PZP: variants seen among roughly 807,000 people sequenced by gnomAD.
PZP encodes pregnancy zone protein.
Under a neutral mutation model 179.8 loss-of-function variants are expected in PZP, and 150 were observed. That is an observed-to-expected ratio of 0.83 (90% CI 0.73 to 0.96). The LOEUF (loss-of-function observed/expected upper bound fraction) is 0.96. Ranked by LOEUF, PZP falls within the 40% of genes least tolerant of loss-of-function variation. The probability of loss-of-function intolerance (pLI) is 0.00; values close to 1 mark genes in which losing one functional copy is unlikely to be tolerated. For missense variants in PZP, 1,689 were observed against 1,764.0 expected, an observed-to-expected ratio of 0.96 and a Z score of 0.76; for synonymous variants, 624 against 652.3, an observed-to-expected ratio of 0.96 and a Z score of 0.66.
rs747526841 is a variant in PZP, at chr12:9,192,603, A to G, written c.1391T>C (p.Leu464Pro). Residue 464 changes from leucine (L) to proline (P), a missense_variant, in exon 12 of 36, where the codon CTG (leucine) becomes CCG (proline). Leu to Pro is a moderately conservative substitution (Grantham distance 98). This residue lies in a region of PZP where 742 missense variants were observed against 730.5 expected (regional missense o/e 1.02). Transcript: ENST00000261336. ...YIHLEPVAGT[L>P]PCGHTETITA... is the part of the protein sequence containing the mutation. ...GATAGTCTCCGTGTGGCCACAGGGC[A>G]GGGTACCAGCCACAGGCTCCAGGTG... 6.2e-7 allele frequency: 1 copy of G among 1,614,204 alleles called. No individual in the cohort carries two copies. Among genetic ancestry groups the G allele is most frequent in the Non-Finnish European group, 8.5e-7 (1 of 1,180,012 alleles).
intron 16 of PZP, 23 bp from the exon 17 acceptor site, chr12:9,168,997 T>G: frequency 1.3e-6 from 2 of 1,518,904 alleles, no homozygotes; most frequent in Non-Finnish European, 1.8e-6. Flanking sequence ...AATTGTTCAA[T>G]CTACTTGTAA....
intron 23 of PZP, 111 bp from the exon 24 acceptor site, chr12:9,160,601 G>A: frequency 1.0e-6 from 1 of 965,022 alleles, no homozygotes; most frequent in Non-Finnish European, 1.6e-6. Context: ...TAAGAGAAAA[G>A]TTATATACAC....
chr12:9,168,915 G>T lies in PZP; in HGVS notation c.2061C>A (p.Val687=). The part of the protein sequence containing the change: ...SKIRKPKSCS[V]IPSVSAGAVG... ...CTGCTCCTGCAGACACGGAAGGGATGACTGAACACGACTTTGGTTTTCGGA... is the reference window on the plus strand; with the variant it reads ...CTGCTCCTGCAGACACGGAAGGGATTACTGAACACGACTTTGGTTTTCGGA... The change falls in exon 17 of 36, where the codon GTC becomes GTA. Residue 687 remains valine, a synonymous_variant. Transcript: ENST00000261336. The T allele has an allele frequency of 6.2e-7, 1 of 1,614,078 alleles. No homozygotes were observed. Among genetic ancestry groups the T allele is most frequent in the South Asian group, 1.1e-5 (1 of 91,070 alleles).
At chr12:9,158,652 C>T in intron 25 of PZP, 76 bp from the exon 26 acceptor site, 3 of 1,447,406 alleles carry the variant, frequency 2.1e-6, no homozygotes, top group Non-Finnish European at 2.8e-6. Flanking sequence ...CACACAGGCT[C>T]CCCCATCACA....
rs117107798 is a variant in PZP, at chr12:9,170,703, C to T, written c.1840-1112G>A. On this transcript the variant is annotated intron_variant, in intron 15 of 35. Coordinates refer to ENST00000261336, the MANE Select transcript of PZP (RefSeq NM_002864.3). This position sits in a 1 kb window ranked among gnomAD's most constrained non-coding sequence, Gnocchi z 4.6. ...GGTCTGGATGAGGAACGGTCCCCCA[C>T]GATGCAGCACAGCTGCCTTGCCAGA... 0.011 allele frequency among the ~76,000 whole-genome samples: 1,722 copies of T among 152,286 alleles called. 11 individuals are homozygous for T. The highest frequency in any genetic ancestry group is 0.019 in the Non-Finnish European group (1,301 of 68,020).
At chr12:9,150,500 A>G in intron 34 of PZP, 144 bp downstream of exon 34, 2 of 565,044 alleles carry the variant, frequency 3.5e-6, no homozygotes, top group South Asian at 2.2e-5. Context: ...GCCAGACTGT[A>G]GTAAGTCGTT....
At chr12:9,140,262 G>GT in the PZP span, among the ~76,000 whole-genome samples, 39 of 152,304 alleles carry the variant, frequency 2.6e-4, no homozygotes, top group East Asian at 6.8e-3. Context: ...AGGCATAGTA[G>GT]TAGGGGGGGG....
At chr12:9,190,814 A>AG (rs1231057112) in intron 13 of PZP, among the ~76,000 whole-genome samples, 1 of 152,198 alleles carries the variant, frequency 6.6e-6, no homozygotes, top group Non-Finnish European at 1.5e-5. Context: ...GACAGTATGA[A>AG]GAATAGTGTG....
At chr12:9,189,766 A>T (rs774870772) in intron 13 of PZP, among the ~76,000 whole-genome samples, 1 of 152,350 alleles carries the variant, frequency 6.6e-6, no homozygotes, top group Non-Finnish European at 1.5e-5. Context: ...AATATCTAGC[A>T]TCTGTATAGA....
In PZP at chr12:9,208,122, A is replaced by G. The variant is rs544235838; in HGVS notation, c.83+137T>C. 863 of 631,930 alleles carry G rather than the reference A, an allele frequency of 1.4e-3. 3 individuals are homozygous for G. The highest frequency in any genetic ancestry group is 0.011 in the Middle Eastern group (42 of 3,914). The allele number at this position is 631,930 out of a possible 1,614,324, so 39.1% of individuals were successfully genotyped here. ...AGGATAAATGAAAGACAAACAAGGG[A>G]TTAACTGGAATAATTTCTTATATTT... is the stretch of plus-strand genomic sequence containing the variant. On this transcript the variant is annotated intron_variant, in intron 1 of 35. Transcript: ENST00000261336.
In PZP at chr12:9,200,446, G is replaced by A. The variant is rs1478442199; in HGVS notation, c.673C>T (p.Leu225Phe). 1 of 1,603,004 alleles carries A rather than the reference G, an allele frequency of 6.2e-7. No homozygotes were observed. Among genetic ancestry groups the A allele is most frequent in the Non-Finnish European group, 8.5e-7 (1 of 1,170,358 alleles). The part of the protein sequence containing the change: ...QHPFTVEEFV[L>F]PKFEVKVQVP... ...TGAACTTTGACCTCAAACTTGGGAA[G>A]CACTGTTAATAGAGATAATAGGAAT... The change falls in exon 7 of 36, where the codon CTT (leucine) becomes TTT (phenylalanine). Residue 225 changes from leucine (L) to phenylalanine (F), a missense_variant and splice_region_variant. Transcript: ENST00000261336.
At chr12:9,186,304 C>A (rs1328134375) in intron 13 of PZP, among the ~76,000 whole-genome samples, 1 of 152,152 alleles carries the variant, frequency 6.6e-6, no homozygotes, top group Non-Finnish European at 1.5e-5. Context: ...ACTACATAAC[C>A]ACACTGAAGT....
chr12:9,202,971 ACATCTCT>A (rs958083397), intron 2 of PZP, among the ~76,000 whole-genome samples: 1 of 152,210 alleles, frequency 6.6e-6, no homozygotes, highest in Non-Finnish European at 1.5e-5. Flanking sequence ...ATGGAGAGAA[ACATCTCT>A]GAAAAAATAT....
Position 9,169,314 on chromosome 12 carries a change from T to A in PZP, c.2001+116A>T. 2.9e-6 allele frequency: 3 copies of A among 1,046,944 alleles called. No individual in the cohort carries two copies. In the South Asian group the frequency reaches 5.8e-5, roughly 20 times the overall value. 64.9% of individuals were successfully genotyped at this position (1,046,944 alleles called of 1,614,324 possible). A position where few individuals can be genotyped will look rare whatever the true frequency, so the allele number is the denominator to read the frequency against. ...CCTTTTTATTGGCTTCATTTTTGTC[T>A]GCTGAAAAATGGAGAGGCAAGGCTA... On this transcript the variant is annotated intron_variant, in intron 16 of 35. Transcript: ENST00000261336.
chr12:9,205,543 A>G (rs7959360), intron 1 of PZP, among the ~76,000 whole-genome samples: 136,495 of 152,186 alleles, frequency 0.9, 61,368 homozygotes, highest in East Asian at 1. Flanking sequence ...CATAACAGAT[A>G]GATAAAATCC....
At chr12:9,157,505 T>G in intron 27 of PZP, 150 bp from the exon 28 acceptor site, 1 of 832,644 alleles carries the variant, frequency 1.2e-6, no homozygotes, top group Non-Finnish European at 1.8e-6. Context: ...AGAAAAATAT[T>G]TCGATCTCTT....
Position 9,158,583 on chromosome 12 carries a change from G to C in PZP, c.3138-7C>G. On this transcript the variant is annotated splice_polypyrimidine_tract_variant and splice_region_variant and intron_variant, in intron 25 of 35. Transcript: ENST00000261336. ...CAGTACAAAAGCTGTGAGCCTAGGG[G>C]GAGGAAAAATGCAGTGCTGAGGCTC... The C allele has an allele frequency of 6.2e-7, 1 of 1,613,644 alleles. No individual in the cohort carries two copies. The highest frequency in any genetic ancestry group is 8.5e-7 in the Non-Finnish European group (1 of 1,179,746).
At chr12:9,182,146 G>GGTCATAAGTGAGACAAAATT in intron 13 of PZP, 29 bp from the exon 14 acceptor site, 1 of 1,607,080 alleles carries the variant, frequency 6.2e-7, no homozygotes, top group Non-Finnish European at 8.5e-7. Flanking sequence ...GAGACAAAAT[G>GGTCATAAGTGAGACAAAATT]GTCATAAGTG....
At chr12:9,195,994 C>T (rs1218867574) in intron 10 of PZP, among the ~76,000 whole-genome samples, 4 of 151,954 alleles carry the variant, frequency 2.6e-5, no homozygotes, top group Non-Finnish European at 5.9e-5. Flanking sequence ...ATGTTACAAA[C>T]TCTGAAAATT....
Sources: gnomAD v4.1 joint callset for allele counts (sites outside exome capture counted in the v4.1 genomes callset) on GRCh38, gnomAD v4.1.1 for gene constraint, gnomAD v4.1.1 regional missense constraint, Gnocchi (gnomAD v3.1) non-coding constraint, MANE v1.5 for transcripts, NCBI Gene and HGNC (gene_info 2026-07-23, HGNC 2026-07-21) for gene names.